Variants in MTR observed in about 807,000 individuals in gnomAD.
The protein encoded by MTR is methionine synthase.
Under a neutral mutation model 154.8 loss-of-function variants are expected in MTR, and 84 were observed. That is an observed-to-expected ratio of 0.54 (90% CI 0.45 to 0.65). The LOEUF (loss-of-function observed/expected upper bound fraction) is 0.65. MTR is among the 30% of genes least tolerant of loss of function. The pLI is 0.00. For synonymous variants in MTR, 554 were observed against 553.9 expected, an observed-to-expected ratio of 1.00 and a Z score of 0.00; for missense variants, 1,275 against 1,570.2, an observed-to-expected ratio of 0.81 and a Z score of 3.18.
chr1:236,820,341 C>T (rs1414777923), intron 8 of MTR: 11 of 756,364 alleles, frequency 1.5e-5, no homozygotes, highest in African/African-American at 6.8e-5. Flanking sequence ...CTCCAGCTCC[C>T]GAGTTCACTG....
At chr1:236,798,714 TAATC>T (rs1660541344) in intron 1 of MTR, among the ~76,000 whole-genome samples, 2 of 152,378 alleles carry the variant, frequency 1.3e-5, no homozygotes, top group African/African-American at 4.8e-5. Flanking sequence ...CTGTGAAAGA[TAATC>T]AGAAAGAATC....
At chr1:236,882,128 T>C (rs1572325914) in intron 25 of MTR, among the ~76,000 whole-genome samples, 1 of 152,262 alleles carries the variant, frequency 6.6e-6, no homozygotes. Flanking sequence ...GCTATATTTC[T>C]ACAACTCAAT....
chr1:236,838,141 A>G (rs1028326578), intron 14 of MTR, among the ~76,000 whole-genome samples: 3 of 152,208 alleles, frequency 2.0e-5, no homozygotes, highest in Non-Finnish European at 2.9e-5. Flanking sequence ...CACTGAAGCC[A>G]GTGAACTGAT....
At chr1:236,825,618 G>C (rs773630162) in intron 10 of MTR, among the ~76,000 whole-genome samples, 1 of 152,126 alleles carries the variant, frequency 6.6e-6, no homozygotes, top group Non-Finnish European at 1.5e-5. Flanking sequence ...GAAAATTCTC[G>C]TTGAGGTCCA....
At chr1:236,822,321 T>TTTG (rs1450131161) in intron 8 of MTR, among the ~76,000 whole-genome samples, 5 of 149,906 alleles carry the variant, frequency 3.3e-5, no homozygotes, top group Admixed American at 6.6e-5. Flanking sequence ...TGTTTTTTTT[T>TTTG]TTTTTTGAGA....
intron 29 of MTR, among the ~76,000 whole-genome samples, chr1:236,892,235 G>A (rs1017695430): frequency 6.6e-6 from 1 of 152,118 alleles, no homozygotes; most frequent in Admixed American, 6.6e-5. Flanking sequence ...ACTTTGAGAG[G>A]CCAAGGTGGG....
At chr1:236,816,326 G>A (rs1661590510) in intron 7 of MTR, 123 bp from the exon 8 acceptor site, 1 of 843,608 alleles carries the variant, frequency 1.2e-6, no homozygotes, top group Non-Finnish European at 2.0e-6. Flanking sequence ...TTGAATTTGA[G>A]TTCCACATTT....
intron 16 of MTR, among the ~76,000 whole-genome samples, chr1:236,851,107 T>C (rs2103245405): frequency 6.6e-6 from 1 of 152,342 alleles, no homozygotes; most frequent in Non-Finnish European, 1.5e-5. Context: ...TTCATGTACT[T>C]ACTGAAATTT....
chr1:236,856,079 T>G (rs1410148276), intron 18 of MTR, among the ~76,000 whole-genome samples: 1 of 152,242 alleles, frequency 6.6e-6, no homozygotes, highest in South Asian at 2.1e-4. Context: ...AATTCTTTAC[T>G]GCTGTTTGTA....
chr1:236,809,187 C>T (rs1279027022), intron 4 of MTR, among the ~76,000 whole-genome samples: 5 of 152,224 alleles, frequency 3.3e-5, no homozygotes. Context: ...CCCTCATTCC[C>T]ATGATTGGCT....
At chr1:236,852,445 A>G (rs1175396386) in intron 16 of MTR, 76 bp from the exon 17 acceptor site, 3 of 1,057,360 alleles carry the variant, frequency 2.8e-6, no homozygotes, top group Admixed American at 1.7e-5. Context: ...TTCCACTCCT[A>G]TATAAAGCTT....
At chr1:236,809,898 G>T (rs1033345473) in intron 4 of MTR, among the ~76,000 whole-genome samples, 8 of 152,182 alleles carry the variant, frequency 5.3e-5, no homozygotes, top group African/African-American at 1.9e-4. Flanking sequence ...AGAAAGATTT[G>T]CTCTGCTTCA....
intron 8 of MTR, chr1:236,819,685 A>G: frequency 1.5e-6 from 1 of 674,354 alleles, no homozygotes; most frequent in Non-Finnish European, 2.8e-6. Context: ...GATGTCCTTA[A>G]GTTCCTTACA....
intron 15 of MTR, among the ~76,000 whole-genome samples, chr1:236,840,229 A>T (rs917248145): frequency 6.6e-6 from 1 of 152,256 alleles, no homozygotes; most frequent in Admixed American, 6.5e-5. Context: ...GATCATTAAC[A>T]TATATTGAAC....
intron 22 of MTR, among the ~76,000 whole-genome samples, chr1:236,869,733 G>A (rs895704868): frequency 6.6e-6 from 1 of 152,290 alleles, no homozygotes. Flanking sequence ...ATGGTGGGAA[G>A]AATGGTAGCA....
At chr1:236,874,903 T>C in intron 24 of MTR, 57 bp downstream of exon 24, 1 of 1,585,942 alleles carries the variant, frequency 6.3e-7, no homozygotes, top group East Asian at 2.3e-5. Context: ...TGCCAGTGTT[T>C]GAAACAGTGG....
chr1:236,815,529 A>G (rs1572201406), intron 6 of MTR, 75 bp from the exon 7 acceptor site: 1 of 1,441,500 alleles, frequency 6.9e-7, no homozygotes, highest in Non-Finnish European at 9.8e-7. Flanking sequence ...AAAAGGGTGC[A>G]TTCTAATCAG....
intron 28 of MTR, among the ~76,000 whole-genome samples, chr1:236,890,688 C>T (rs552905485): frequency 3.9e-4 from 60 of 152,254 alleles, no homozygotes; most frequent in Non-Finnish European, 6.8e-4. Context: ...AAATGTCAAT[C>T]GTTACGAATT....
chr1:236,872,292 C>T (rs1347906458), intron 22 of MTR, among the ~76,000 whole-genome samples: 1 of 152,144 alleles, frequency 6.6e-6, no homozygotes, highest in Non-Finnish European at 1.5e-5. Context: ...TCCTCTGCCC[C>T]AGCGCCTGTT....
Sources: gnomAD v4.1 joint callset for allele counts (sites outside exome capture counted in the v4.1 genomes callset) on GRCh38, gnomAD v4.1.1 for gene constraint, MANE v1.5 for transcripts, NCBI Gene and HGNC (gene_info 2026-07-23, HGNC 2026-07-21) for gene names.